Variants in TIAM2 observed in about 807,000 individuals in gnomAD.
TIAM2 encodes TIAM Rac1 associated GEF 2.
A neutral mutation model predicts 152.9 loss-of-function variants in TIAM2; 80 were observed. The observed-to-expected ratio is 0.52, with a 90% CI of 0.44 to 0.63. The LOEUF is 0.63. TIAM2 is among the 30% of genes least tolerant of loss of function. The probability of loss-of-function intolerance (pLI) is 0.00; values close to 1 mark genes in which losing one functional copy is unlikely to be tolerated. For synonymous variants in TIAM2, 804 were observed against 838.0 expected (o/e 0.96, Z 0.70); for missense variants, 1,965 against 2,120.1 (o/e 0.93, Z 1.44).
At chr6:155,241,861 C>T (rs1203046171) in intron 16 of TIAM2, among the ~76,000 whole-genome samples, 1 of 152,198 alleles carries the variant, frequency 6.6e-6, no homozygotes, top group Non-Finnish European at 1.5e-5. Flanking sequence ...CTGTGTGGCG[C>T]TGTAGATATT....
chr6:155,244,230 C>G, intron 17 of TIAM2, 151 bp downstream of exon 17: 1 of 747,448 alleles, frequency 1.3e-6, no homozygotes, highest in Non-Finnish European at 2.2e-6. Flanking sequence ...TAGCCTCCTC[C>G]TAAACCACTG....
chr6:155,086,592 G>A (rs55927620), intron 1 of TIAM2, among the ~76,000 whole-genome samples: 13,198 of 151,328 alleles, frequency 0.087, 741 homozygotes, highest in South Asian at 0.18. Flanking sequence ...CTGTAATCCC[G>A]GCTACTCAGG....
chr6:155,049,879 A>G (rs1777281107), intron 1 of TIAM2, among the ~76,000 whole-genome samples: 1 of 152,188 alleles, frequency 6.6e-6, no homozygotes, highest in Admixed American at 6.5e-5. Flanking sequence ...AAATAGCACC[A>G]TGATGAAAGT....
rs571904755 is a variant in TIAM2, at chr6:155,006,391, G to A, written c.-209+10899G>A. Among the ~76,000 whole-genome samples the A allele has an allele frequency of 1.5e-3, 229 of 151,738 alleles. 1 individual carries two copies. The highest frequency in any genetic ancestry group is 2.7e-3 in the Non-Finnish European group (185 of 67,916). On this transcript the variant is annotated intron_variant, in intron 1 of 26. Coordinates refer to ENST00000682666, the MANE Select transcript of TIAM2 (RefSeq NM_012454.4). The stretch of plus-strand genomic sequence containing the variant: ...TTTTTTTCAAATCGGAGTCTCGATC[G>A]GGCATGGTGGCTCATGCCTGTAATC...
intron 8 of TIAM2, 27 bp from the exon 9 acceptor site, chr6:155,165,235 AT>A (rs753375602): frequency 4.4e-6 from 7 of 1,586,538 alleles, no homozygotes; most frequent in Admixed American, 1.9e-5. Context: ...AAGCCTTTAG[AT>A]TTTTTTTAAA....
At chr6:155,220,574 T>C (rs1264792380) in intron 15 of TIAM2, among the ~76,000 whole-genome samples, 1 of 138,276 alleles carries the variant, frequency 7.2e-6, no homozygotes, top group South Asian at 2.2e-4. Context: ...CCAATTGCCC[T>C]TCTTCCCCTT....
intron 1 of TIAM2, among the ~76,000 whole-genome samples, chr6:155,040,346 T>C (rs1046995236): frequency 6.6e-6 from 1 of 152,174 alleles, no homozygotes; most frequent in East Asian, 1.9e-4. Flanking sequence ...GCCATTATCA[T>C]TGAAAGCACC....
chr6:155,236,582 G>C (rs974776936), intron 15 of TIAM2, among the ~76,000 whole-genome samples: 2 of 152,180 alleles, frequency 1.3e-5, no homozygotes, highest in Non-Finnish European at 2.9e-5. Flanking sequence ...AGAATTGCTT[G>C]CACCCGGGAG....
chr6:155,235,876 T>C (rs1033276442), intron 15 of TIAM2, among the ~76,000 whole-genome samples: 9 of 152,250 alleles, frequency 5.9e-5, no homozygotes, highest in Non-Finnish European at 1.2e-4. Context: ...ACTTTAACAC[T>C]GCATTGTTAG....
At chr6:155,079,485 A>G (rs17798635) in intron 1 of TIAM2, among the ~76,000 whole-genome samples, 4,909 of 152,308 alleles carry the variant, frequency 0.032, 132 homozygotes, top group Non-Finnish European at 0.05. Flanking sequence ...TGTGTAATTA[A>G]TGCATAGTGC....
At chr6:155,025,294 C>G (rs557937543) in intron 1 of TIAM2, among the ~76,000 whole-genome samples, 3 of 151,488 alleles carry the variant, frequency 2.0e-5, no homozygotes, top group Non-Finnish European at 2.9e-5. Context: ...CCCGGGTTCA[C>G]GCCATTCTCC....
At chr6:155,005,803 C>T (rs567275736) in intron 1 of TIAM2, among the ~76,000 whole-genome samples, 4 of 151,972 alleles carry the variant, frequency 2.6e-5, no homozygotes, top group Non-Finnish European at 4.4e-5. Flanking sequence ...GCGCCTGCCA[C>T]CACGCCCAGC....
intron 2 of TIAM2, among the ~76,000 whole-genome samples, chr6:155,104,040 A>ACACCCCCCCC (rs1562316893): frequency 6.9e-5 from 4 of 57,720 alleles, no homozygotes; most frequent in Admixed American, 2.1e-4. Context: ...ACACACACAC[A>ACACCCCCCCC]CCCCCCCCCC....
At chr6:155,038,071 G>A (rs1420630836) in intron 1 of TIAM2, among the ~76,000 whole-genome samples, 2 of 152,142 alleles carry the variant, frequency 1.3e-5, no homozygotes, top group South Asian at 2.1e-4. Context: ...GTTAAATAAG[G>A]AGCATTAAAA....
intron 2 of TIAM2, among the ~76,000 whole-genome samples, chr6:155,091,958 C>T (rs1482790460): frequency 2.0e-5 from 3 of 152,220 alleles, no homozygotes; most frequent in Non-Finnish European, 2.9e-5. Flanking sequence ...AATGCAGTGA[C>T]GTGATCTTGG....
intron 1 of TIAM2, among the ~76,000 whole-genome samples, chr6:155,076,261 T>C (rs984683253): frequency 5.9e-5 from 9 of 152,102 alleles, no homozygotes; most frequent in Non-Finnish European, 1.2e-4. Flanking sequence ...ACATCTCGGC[T>C]CAAATTATAT....
intron 15 of TIAM2, among the ~76,000 whole-genome samples, chr6:155,227,889 G>A (rs747435269): frequency 4.6e-5 from 7 of 152,132 alleles, no homozygotes; most frequent in Non-Finnish European, 7.3e-5. Flanking sequence ...AAGGAGTGTC[G>A]GCAAGGAACT....
Position 155,254,419 on chromosome 6 carries a change from T to A in TIAM2, c.4314T>A (p.Ser1438Arg). The change falls in exon 26 of 27, where the codon AGT (serine) becomes AGA (arginine). Residue 1438 changes from serine to arginine, a missense_variant and splice_region_variant. Ser to Arg is a moderately radical substitution (Grantham distance 110). Transcript: ENST00000682666. ...RPETIFQLCCSDSESKTNIVK... is the reference protein window; with the variant it reads ...RPETIFQLCCRDSESKTNIVK... ...CTGTTTTCTCTCCCCCCCCACCCAG[T>A]GACAGTGAAAGCAAAACCAACATTG... 1 of 1,610,296 alleles carries A rather than the reference T, an allele frequency of 6.2e-7. No individual in the cohort carries two copies. Among genetic ancestry groups the A allele is most frequent in the Non-Finnish European group, 8.5e-7 (1 of 1,176,872 alleles).
intron 1 of TIAM2, among the ~76,000 whole-genome samples, chr6:155,083,273 C>A (rs903620850): frequency 1.3e-5 from 2 of 150,350 alleles, no homozygotes; most frequent in Admixed American, 1.3e-4. Flanking sequence ...CACTTGAACC[C>A]TGGAGGCAGA....
Sources: allele counts gnomAD v4.1 joint callset (sites outside exome capture counted in the v4.1 genomes callset), GRCh38; gene constraint gnomAD v4.1.1; transcripts MANE v1.5; gene names NCBI Gene and HGNC (gene_info 2026-07-23, HGNC 2026-07-21).